The following RIT2 variants were observed in gnomAD, a reference collection of about 807,000 sequenced individuals.
RIT2 encodes GTP-binding protein Rit2.
In RIT2, 24 loss-of-function variants were observed where a neutral mutation model predicts 23.7. That is an observed-to-expected ratio of 1.01 (90% CI 0.73 to 1.43). The LOEUF (loss-of-function observed/expected upper bound fraction) is 1.43, where lower values mean the gene tolerates loss of function less well. Ranked by LOEUF, RIT2 falls within the 40% of genes most tolerant of loss-of-function variation. The probability of loss-of-function intolerance (pLI) is 0.00; values close to 1 mark genes in which losing one functional copy is unlikely to be tolerated. For synonymous variants in RIT2, 107 were observed against 91.1 expected (o/e 1.17, Z -0.99); for missense variants, 236 against 266.9 (o/e 0.88, Z 0.81).
chr18:43,017,376 T>C lies in RIT2; in HGVS notation c.160+16435A>G, dbSNP rs187586089. Among the ~76,000 whole-genome samples the C allele has an allele frequency of 3.0e-3, 455 of 152,060 alleles. 2 individuals are homozygous for C. Among genetic ancestry groups the C allele is most frequent in the Non-Finnish European group, 4.0e-3 (271 of 67,910 alleles). Reference sequence around the variant, plus strand: ...AGGAGTCAATAAATAATAAAAGATATCTTTAAAAATAAGCTATTAAAATAA... The same window carrying C: ...AGGAGTCAATAAATAATAAAAGATACCTTTAAAAATAAGCTATTAAAATAA... On this transcript the variant is annotated intron_variant, in intron 2 of 4. Coordinates refer to ENST00000326695, the MANE Select transcript of RIT2 (RefSeq NM_002930.4).
At chr18:43,018,725 G>A (rs1911531013) in intron 2 of RIT2, among the ~76,000 whole-genome samples, 1 of 151,870 alleles carries the variant, frequency 6.6e-6, no homozygotes, top group African/African-American at 2.4e-5. Context: ...CATAAATGAA[G>A]GACAAATGCA....
intron 4 of RIT2, among the ~76,000 whole-genome samples, chr18:42,773,066 G>A (rs996132250): frequency 6.6e-6 from 1 of 152,088 alleles, no homozygotes; most frequent in Non-Finnish European, 1.5e-5. Context: ...TTTATACACT[G>A]TATCTCTTCA....
chr18:42,750,029 T>C (rs920500477), intron 4 of RIT2, among the ~76,000 whole-genome samples: 19 of 151,844 alleles, frequency 1.3e-4, no homozygotes, highest in Admixed American at 1.2e-3. Context: ...TGCTGTTCAA[T>C]GTAAATAAAT....
At chr18:43,041,000 C>A (rs1195652525) in intron 1 of RIT2, among the ~76,000 whole-genome samples, 6 of 151,770 alleles carry the variant, frequency 4.0e-5, no homozygotes, top group African/African-American at 4.8e-5. Flanking sequence ...GGGTGTAAAA[C>A]CTACATGCTA....
In RIT2 at chr18:43,064,183, T is replaced by G. The variant is rs1057380121; in HGVS notation, c.104-30316A>C. 9.9e-5 allele frequency among the ~76,000 whole-genome samples: 15 copies of G among 152,266 alleles called. No individual in the cohort carries two copies. The South Asian group carries it at 1.7e-3, about 17-fold the overall frequency. The stretch of plus-strand genomic sequence containing the variant: ...AAGTAGAATTCAATCTTGGATTTGT[T>G]GAAGGAAAGTAAATTAAGGTAGGAA... On this transcript the variant is annotated intron_variant, in intron 1 of 4. Coordinates refer to ENST00000326695, the MANE Select transcript of RIT2 (RefSeq NM_002930.4).
chr18:42,987,527 C>G (rs891732362), intron 2 of RIT2, among the ~76,000 whole-genome samples: 1 of 152,138 alleles, frequency 6.6e-6, no homozygotes, highest in Non-Finnish European at 1.5e-5. Flanking sequence ...CACTGGAACA[C>G]TTTATTGCAA....
rs75764514 is a variant in RIT2 at position 42,997,666 on chromosome 18, G to A, written c.161-23519C>T. ...TTGAGCATCTACGAATTTATTTGGG[G>A]GCATAATATAATCAAAACTGAAAAA... On this transcript the variant is annotated intron_variant, in intron 2 of 4. Coordinates refer to ENST00000326695, the MANE Select transcript of RIT2 (RefSeq NM_002930.4). Among the ~76,000 whole-genome samples the A allele has an allele frequency of 5.8e-3, 874 of 150,976 alleles. 10 individuals are homozygous for A. The highest frequency in any genetic ancestry group is 0.02 in the African/African-American group (832 of 41,098).
intron 4 of RIT2, among the ~76,000 whole-genome samples, chr18:42,842,221 C>G (rs1906786300): frequency 6.6e-6 from 1 of 152,082 alleles, no homozygotes; most frequent in African/African-American, 2.4e-5. Context: ...TTCATTGATC[C>G]ATTTATATAT....
chr18:43,003,316 C>T (rs962712476), intron 2 of RIT2, among the ~76,000 whole-genome samples: 1 of 151,940 alleles, frequency 6.6e-6, no homozygotes, highest in African/African-American at 2.4e-5. Context: ...GTAGAATTCT[C>T]TTAAAGGCAT....
chr18:43,107,147 T>C (rs1913842201), intron 1 of RIT2, among the ~76,000 whole-genome samples: 1 of 152,160 alleles, frequency 6.6e-6, no homozygotes, highest in Non-Finnish European at 1.5e-5. Context: ...TATGCTGGTT[T>C]ATGGGAGGCA....
intron 4 of RIT2, among the ~76,000 whole-genome samples, chr18:42,886,975 A>G (rs1908039533): frequency 1.3e-5 from 2 of 152,216 alleles, no homozygotes. Context: ...TTGTTTCTAG[A>G]AGGAATACAA....
Position 42,954,404 on chromosome 18 carries a change from A to G in RIT2, c.234+19670T>C, listed in dbSNP as rs373776703. Among the ~76,000 whole-genome samples the G allele has an allele frequency of 1.5e-3, 220 of 150,816 alleles. 1 individual carries two copies. Among genetic ancestry groups the G allele is most frequent in the African/African-American group, 5.0e-3 (207 of 41,166 alleles). On this transcript the variant is annotated intron_variant, in intron 3 of 4. Transcript: ENST00000326695. ...AAAAAAAAAAAAAAAACCTGTAAAT[A>G]TATTAGGTTGTGGCAAACGTAATTG...
Position 42,923,667 on chromosome 18 carries a change from C to T in RIT2, c.331G>A (p.Ala111Thr). The T allele has an allele frequency of 6.2e-7, 1 of 1,613,272 alleles. No individual in the cohort carries two copies. The change falls in exon 4 of 5, where the codon GCC becomes ACC. Residue 111 changes from alanine to threonine, a missense_variant. Ala to Thr is a moderately conservative substitution (Grantham distance 58). Coordinates refer to ENST00000326695, the MANE Select transcript of RIT2 (RefSeq NM_002930.4). ...TGAAAAATGAGCTCTTTAAACTTGGCAGCCTCCTGAAATGATTGACGGTCA... is the reference window on the plus strand; with the variant it reads ...TGAAAAATGAGCTCTTTAAACTTGGTAGCCTCCTGAAATGATTGACGGTCA... The part of the protein sequence containing the change: ...VTDRQSFQEA[A>T]KFKELIFQVR...
intron 1 of RIT2, among the ~76,000 whole-genome samples, chr18:43,044,443 G>A (rs1054089351): frequency 4.6e-5 from 7 of 152,090 alleles, no homozygotes; most frequent in African/African-American, 1.7e-4. Flanking sequence ...GCATAATTCA[G>A]CATATTTATA....
intron 1 of RIT2, among the ~76,000 whole-genome samples, chr18:43,046,614 C>T (rs1912254298): frequency 1.3e-5 from 2 of 152,168 alleles, no homozygotes; most frequent in South Asian, 2.1e-4. Context: ...TCAACATTTA[C>T]AGAACTGAAT....
intron 2 of RIT2, among the ~76,000 whole-genome samples, chr18:43,029,990 T>C (rs1239120946): frequency 6.6e-6 from 1 of 152,042 alleles, no homozygotes; most frequent in Non-Finnish European, 1.5e-5. Flanking sequence ...AAATGATTAA[T>C]GCTTTCCTAG....
intron 3 of RIT2, among the ~76,000 whole-genome samples, chr18:42,928,936 A>C: frequency 6.6e-6 from 1 of 150,638 alleles, no homozygotes; most frequent in East Asian, 2.0e-4. Flanking sequence ...CACTTTGCCT[A>C]ACTCATTCAT....
In RIT2 at chr18:42,773,426, T is replaced by C. The variant is rs553306547; in HGVS notation, c.427-29706A>G. On this transcript the variant is annotated intron_variant, in intron 4 of 4. Transcript: ENST00000326695. Reference sequence around the variant, plus strand: ...CAGTTCATTTTCTAGATCATGAGTGTGGCAAACTAAGGTTATTAACATGGG... The same window carrying C: ...CAGTTCATTTTCTAGATCATGAGTGCGGCAAACTAAGGTTATTAACATGGG... Among the ~76,000 whole-genome samples the C allele has an allele frequency of 4.6e-5, 7 of 152,352 alleles. No individual in the cohort carries two copies. The East Asian group carries it at 1.4e-3, about 29-fold the overall frequency.
chr18:42,770,336 A>G (rs545477746), intron 4 of RIT2, among the ~76,000 whole-genome samples: 23 of 152,318 alleles, frequency 1.5e-4, no homozygotes, highest in African/African-American at 5.1e-4. Context: ...TGAGTAGAAC[A>G]TAACAATCCT....
Sources: gnomAD v4.1 joint callset for allele counts (sites outside exome capture counted in the v4.1 genomes callset) on GRCh38, gnomAD v4.1.1 for gene constraint, MANE v1.5 for transcripts, NCBI Gene and HGNC (gene_info 2026-07-23, HGNC 2026-07-21) for gene names.